CDK14: variants seen among roughly 807,000 people sequenced by gnomAD.
The protein encoded by CDK14 is cyclin-dependent kinase 14.
Under a neutral mutation model 60.7 loss-of-function variants are expected in CDK14, and 34 were observed. The observed-to-expected ratio is 0.56, with a 90% CI of 0.43 to 0.75. The LOEUF (loss-of-function observed/expected upper bound fraction) is 0.75. CDK14 is among the 30% of genes least tolerant of loss of function. The pLI, the probability that CDK14 is intolerant of heterozygous loss-of-function variation, is 0.00. For synonymous variants in CDK14, 197 were observed against 203.7 expected (o/e 0.97, Z 0.28); for missense variants, 482 against 564.1 (o/e 0.85, Z 1.47).
At chr7:90,772,405 A>T (rs538744741) in intron 4 of CDK14, among the ~76,000 whole-genome samples, 22 of 152,302 alleles carry the variant, frequency 1.4e-4, no homozygotes, top group African/African-American at 5.3e-4. Context: ...CCTGGGTGAT[A>T]TGGTTTGGCT....
At chr7:91,134,252 G>A (rs1332515959) in intron 14 of CDK14, among the ~76,000 whole-genome samples, 5 of 152,108 alleles carry the variant, frequency 3.3e-5, no homozygotes, top group African/African-American at 1.2e-4. Flanking sequence ...TTTCCAGTTT[G>A]ATCCACTTGA....
At chr7:90,610,138 T>C (rs981643639) in intron 2 of CDK14, among the ~76,000 whole-genome samples, 5 of 152,146 alleles carry the variant, frequency 3.3e-5, no homozygotes, top group African/African-American at 1.2e-4. Context: ...ATTCTCATAG[T>C]CCATAACCCA....
chr7:90,696,421 A>G (rs1801661122), intron 2 of CDK14, among the ~76,000 whole-genome samples: 1 of 144,274 alleles, frequency 6.9e-6, no homozygotes. Flanking sequence ...GCTCACTGCA[A>G]CCTCCGCCTC....
At chr7:90,697,797 G>A (rs1253466599) in intron 2 of CDK14, among the ~76,000 whole-genome samples, 1 of 151,826 alleles carries the variant, frequency 6.6e-6, no homozygotes, top group African/African-American at 2.4e-5. Context: ...GGCCGGGCAC[G>A]GTGGCTCACA....
intron 2 of CDK14, among the ~76,000 whole-genome samples, chr7:90,695,788 G>A (rs1042568922): frequency 6.6e-6 from 1 of 152,070 alleles, no homozygotes; most frequent in Non-Finnish European, 1.5e-5. Flanking sequence ...GAGTATAGAC[G>A]GCTTAGTGTT....
chr7:90,900,230 T>C (rs1792461573), intron 7 of CDK14, among the ~76,000 whole-genome samples: 1 of 152,112 alleles, frequency 6.6e-6, no homozygotes, highest in Admixed American at 6.6e-5. Context: ...TTTTAAAATG[T>C]AGGAACTTAT....
At chr7:90,710,725 G>C (rs982840570) in intron 2 of CDK14, among the ~76,000 whole-genome samples, 1 of 152,044 alleles carries the variant, frequency 6.6e-6, no homozygotes, top group Non-Finnish European at 1.5e-5. Context: ...AAGGACCGTG[G>C]TAGCAGACAG....
intron 14 of CDK14, among the ~76,000 whole-genome samples, chr7:91,134,065 C>T (rs1466992220): frequency 6.6e-5 from 10 of 152,070 alleles, no homozygotes; most frequent in Admixed American, 6.6e-5. Flanking sequence ...TTTGGGACTC[C>T]GGATTCTCCA....
chr7:91,048,802 T>C (rs1421833429), intron 11 of CDK14, among the ~76,000 whole-genome samples: 2 of 152,340 alleles, frequency 1.3e-5, no homozygotes, highest in East Asian at 3.9e-4. Context: ...GTATTTCCTT[T>C]TCTCTGAATT....
chr7:90,714,791 T>C (rs941173473), intron 2 of CDK14, among the ~76,000 whole-genome samples: 5 of 152,112 alleles, frequency 3.3e-5, no homozygotes, highest in Non-Finnish European at 7.4e-5. Flanking sequence ...CTTTATAACA[T>C]CATTCTTGAC....
intron 2 of CDK14, among the ~76,000 whole-genome samples, chr7:90,698,880 C>T (rs934376534): frequency 2.0e-5 from 3 of 152,130 alleles, no homozygotes; most frequent in Non-Finnish European, 4.4e-5. Context: ...AGTTCTCTCT[C>T]GACTCTTACC....
intron 2 of CDK14, among the ~76,000 whole-genome samples, chr7:90,670,165 A>G (rs572347275): frequency 2.6e-5 from 4 of 152,312 alleles, no homozygotes; most frequent in Non-Finnish European, 4.4e-5. Flanking sequence ...ATAGCAGGTT[A>G]TATAATTTGG....
At chr7:91,002,397 T>A (rs1403588971) in intron 10 of CDK14, among the ~76,000 whole-genome samples, 2 of 152,362 alleles carry the variant, frequency 1.3e-5, no homozygotes, top group African/African-American at 4.8e-5. Flanking sequence ...GCCTTTATGT[T>A]CTGAATGTAT....
At chr7:90,914,806 T>G (rs1354218340) in intron 7 of CDK14, among the ~76,000 whole-genome samples, 1 of 152,218 alleles carries the variant, frequency 6.6e-6, no homozygotes, top group East Asian at 1.9e-4. Context: ...CCTTAGCTTC[T>G]CGAGAATTCC....
At chr7:91,033,052 C>G (rs1048121993) in intron 10 of CDK14, among the ~76,000 whole-genome samples, 4 of 152,138 alleles carry the variant, frequency 2.6e-5, no homozygotes, top group Admixed American at 2.6e-4. Context: ...TTTGGGCATG[C>G]CTATGTATCA....
intron 10 of CDK14, among the ~76,000 whole-genome samples, chr7:91,005,816 A>G (rs117804874): frequency 0.017 from 2,531 of 152,376 alleles, 24 homozygotes; most frequent in Non-Finnish European, 0.022. Flanking sequence ...GTTATGTAAA[A>G]CAGAGGCCTG....
chr7:90,724,538 ACTTTT>A (rs1308424843), intron 2 of CDK14, among the ~76,000 whole-genome samples: 2 of 148,810 alleles, frequency 1.3e-5, no homozygotes, highest in Non-Finnish European at 3.0e-5. Flanking sequence ...TTGCTTTGAG[ACTTTT>A]CTTCTTTTCT....
At chr7:90,912,685 G>A (rs1223507460) in intron 7 of CDK14, among the ~76,000 whole-genome samples, 1 of 152,150 alleles carries the variant, frequency 6.6e-6, no homozygotes, top group Non-Finnish European at 1.5e-5. Flanking sequence ...TCAGTTCACT[G>A]CAATCTCCAC....
At chr7:90,876,378 T>C (rs1791563844) in intron 6 of CDK14, among the ~76,000 whole-genome samples, 1 of 152,216 alleles carries the variant, frequency 6.6e-6, no homozygotes, top group Non-Finnish European at 1.5e-5. Flanking sequence ...CTGTTTTTCC[T>C]TCTCTGGGTT....
Sources: allele counts gnomAD v4.1 joint callset (sites outside exome capture counted in the v4.1 genomes callset), GRCh38; gene constraint gnomAD v4.1.1; transcripts MANE v1.5; gene names NCBI Gene and HGNC (gene_info 2026-07-23, HGNC 2026-07-21).